MBNL2: variants seen among roughly 807,000 people sequenced by gnomAD.
The protein encoded by MBNL2 is muscleblind-like protein 2.
MBNL2 carries 17 observed loss-of-function variants against 41.9 expected under a neutral mutation model. The ratio of observed to expected loss-of-function variants is 0.41; its 90% CI spans 0.28 to 0.61. The LOEUF is 0.61. Among genes scored for constraint, MBNL2 ranks in the 20% least tolerant of loss-of-function variants. MBNL2 has a pLI of 0.35. For missense variants in MBNL2, 336 were observed against 505.6 expected, an observed-to-expected ratio of 0.66 and a Z score of 3.22; for synonymous variants, 195 against 182.9, an observed-to-expected ratio of 1.07 and a Z score of -0.53.
At chr13:97,150,079 G>C in the MBNL2 span, among the ~76,000 whole-genome samples, 1 of 152,280 alleles carries the variant, frequency 6.6e-6, no homozygotes, top group East Asian at 1.9e-4. Flanking sequence ...TGCCAATCTC[G>C]TAACTAAAAA....
intron 3 of MBNL2, among the ~76,000 whole-genome samples, chr13:97,340,444 T>G (rs1303739120): frequency 6.6e-6 from 1 of 152,202 alleles, no homozygotes; most frequent in East Asian, 1.9e-4. Context: ...GCTCATTACA[T>G]CCCTGTTGCA....
chr13:97,207,624 A>C, the MBNL2 span, among the ~76,000 whole-genome samples: 5 of 152,188 alleles, frequency 3.3e-5, no homozygotes, highest in East Asian at 9.6e-4. Flanking sequence ...GTGGGAATTC[A>C]AGATGAGATT....
intron 1 of MBNL2, among the ~76,000 whole-genome samples, chr13:97,259,583 G>C (rs955670022): frequency 6.6e-6 from 1 of 152,112 alleles, no homozygotes; most frequent in Non-Finnish European, 1.5e-5. Flanking sequence ...GGCTCAAAAG[G>C]CCTGCTGACA....
the MBNL2 span, among the ~76,000 whole-genome samples, chr13:97,166,950 G>C: frequency 6.6e-6 from 1 of 152,092 alleles, no homozygotes; most frequent in African/African-American, 2.4e-5. Context: ...GCATTCAGGG[G>C]AGAAAAACTC....
At chr13:97,327,502 C>A (rs1179987468) in intron 2 of MBNL2, among the ~76,000 whole-genome samples, 1 of 141,334 alleles carries the variant, frequency 7.1e-6, no homozygotes, top group Admixed American at 7.5e-5. Context: ...AACAGGATCA[C>A]CCCTATTTGA....
At chr13:97,197,674 TTAC>T in the MBNL2 span, among the ~76,000 whole-genome samples, 1 of 152,244 alleles carries the variant, frequency 6.6e-6, no homozygotes, top group African/African-American at 2.4e-5. Flanking sequence ...TATGAATGCA[TTAC>T]TACTTTATTT....
At chr13:97,378,701 G>C (rs879872244) in intron 8 of MBNL2, among the ~76,000 whole-genome samples, 3 of 152,010 alleles carry the variant, frequency 2.0e-5, no homozygotes, top group Admixed American at 6.6e-5. Flanking sequence ...GTGCCATACA[G>C]ATCGTATAAT....
At chr13:97,290,441 T>C (rs56940858) in intron 2 of MBNL2, among the ~76,000 whole-genome samples, 13,524 of 142,668 alleles carry the variant, frequency 0.095, 672 homozygotes, top group South Asian at 0.16. Flanking sequence ...CTTTGGGAGG[T>C]CGAGGCGGGT....
chr13:97,302,604 G>T (rs1302709495), intron 2 of MBNL2, among the ~76,000 whole-genome samples: 2 of 152,230 alleles, frequency 1.3e-5, no homozygotes, highest in African/African-American at 4.8e-5. Context: ...GAACCTTAGA[G>T]AATTTTATTT....
chr13:97,331,346 CG>C (rs1269185551), intron 2 of MBNL2, among the ~76,000 whole-genome samples: 1 of 152,120 alleles, frequency 6.6e-6, no homozygotes, highest in Non-Finnish European at 1.5e-5. Flanking sequence ...AAGAAAAGGT[CG>C]AGCCAAGTTA....
intron 1 of MBNL2, among the ~76,000 whole-genome samples, chr13:97,235,828 C>T (rs1046637666): frequency 6.6e-6 from 1 of 151,952 alleles, no homozygotes; most frequent in African/African-American, 2.4e-5. Context: ...CCCAGCAAAT[C>T]CTGGAGTTAG....
chr13:97,218,026 C>T (rs2040518269), upstream of MBNL2, among the ~76,000 whole-genome samples: 1 of 152,086 alleles, frequency 6.6e-6, no homozygotes, highest in Admixed American at 6.5e-5. Flanking sequence ...AGAAATGATG[C>T]TTTCACTTAT....
intron 4 of MBNL2, among the ~76,000 whole-genome samples, chr13:97,343,587 G>A (rs1180247380): frequency 6.6e-6 from 1 of 152,154 alleles, no homozygotes; most frequent in Non-Finnish European, 1.5e-5. Flanking sequence ...GGAAAGTTCT[G>A]GAAACTGGTG....
intron 8 of MBNL2, among the ~76,000 whole-genome samples, chr13:97,377,608 TTTGTCATTGTTATACTGAA>T (rs1346976533): frequency 5.9e-5 from 9 of 152,232 alleles, no homozygotes; most frequent in African/African-American, 2.2e-4. Context: ...TCTTTCAATA[TTTGTCATTGTTATACTGAA>T]ATATGCAAAA....
At chr13:97,311,293 G>A (rs2153021833) in intron 2 of MBNL2, among the ~76,000 whole-genome samples, 1 of 152,310 alleles carries the variant, frequency 6.6e-6, no homozygotes, top group South Asian at 2.1e-4. Flanking sequence ...CAAGGTGCGT[G>A]ATCGGCTCCA....
At chr13:97,210,584 T>TTTTC in the MBNL2 span, among the ~76,000 whole-genome samples, 2 of 94,264 alleles carry the variant, frequency 2.1e-5, no homozygotes, top group Admixed American at 1.3e-4. Context: ...TTTTTTTTTT[T>TTTTC]TTTTTTTTTT....
chr13:97,290,333 C>T (rs2055580664), intron 2 of MBNL2, among the ~76,000 whole-genome samples: 2 of 152,108 alleles, frequency 1.3e-5, no homozygotes, highest in South Asian at 2.1e-4. Context: ...ATTTCTTGAC[C>T]TCGTGGGATT....
upstream of MBNL2, among the ~76,000 whole-genome samples, chr13:97,218,168 T>C (rs951752894): frequency 5.9e-5 from 9 of 152,088 alleles, no homozygotes; most frequent in African/African-American, 1.9e-4. Context: ...CCCAGCACTT[T>C]GGGAGGCTGA....
chr13:97,273,753 C>T (rs760970227), intron 1 of MBNL2, among the ~76,000 whole-genome samples: 1 of 152,160 alleles, frequency 6.6e-6, no homozygotes, highest in South Asian at 2.1e-4. Context: ...CCATCAGACA[C>T]AGCAGCCAAG....
Sources: gnomAD v4.1 joint callset for allele counts (sites outside exome capture counted in the v4.1 genomes callset) on GRCh38, gnomAD v4.1.1 for gene constraint, MANE v1.5 for transcripts, NCBI Gene and HGNC (gene_info 2026-07-23, HGNC 2026-07-21) for gene names.